Variants in FAM120A observed in about 807,000 individuals in gnomAD.
FAM120A encodes the protein constitutive coactivator of PPAR-gamma-like protein 1.
A neutral mutation model predicts 109.7 loss-of-function variants in FAM120A; 15 were observed. That is an observed-to-expected ratio of 0.14 (90% CI 0.09 to 0.21). FAM120A has a LOEUF of 0.21. Among genes scored for constraint, FAM120A ranks in the 10% least tolerant of loss-of-function variants. The pLI, the probability that FAM120A is intolerant of heterozygous loss-of-function variation, is 1.00. For synonymous variants in FAM120A, 493 were observed against 572.8 expected (o/e 0.86, Z 1.99); for missense variants, 899 against 1,439.3 (o/e 0.62, Z 6.07).
chr9:93,543,551 G>A, intron 11 of FAM120A, 80 bp downstream of exon 11: 5 of 1,507,582 alleles, frequency 3.3e-6, no homozygotes, highest in Non-Finnish European at 4.5e-6. Context: ...ATGAGTTCTA[G>A]AAAGGATGTA....
intron 2 of FAM120A, among the ~76,000 whole-genome samples, chr9:93,474,468 G>A (rs576502680): frequency 5.1e-4 from 78 of 152,256 alleles, no homozygotes; most frequent in African/African-American, 1.9e-3. Flanking sequence ...TTTGTTTTAG[G>A]AATGTTGGAA....
At chr9:93,539,061 A>G (rs1861614168) in intron 10 of FAM120A, among the ~76,000 whole-genome samples, 1 of 144,606 alleles carries the variant, frequency 6.9e-6, no homozygotes, top group Admixed American at 6.9e-5. Context: ...GGAGTGGCGC[A>G]ATCTCGGCTC....
chr9:93,500,061 C>T lies in FAM120A; in HGVS notation c.1030+1175C>T, dbSNP rs1313528408. ...TAACCTGGAGATGGGCATGGAGTGG[C>T]TGAATCTCCACTGCGAGGTCAGTAA... is the stretch of plus-strand genomic sequence containing the variant. On this transcript the variant is annotated intron_variant, in intron 5 of 17. Transcript: ENST00000277165. The surrounding 1 kb of genome is among the most constrained non-coding windows in gnomAD (Gnocchi z 4.6). 6.6e-6 allele frequency among the ~76,000 whole-genome samples: 1 copy of T among 152,246 alleles called. No individual in the cohort carries two copies. Among genetic ancestry groups the T allele is most frequent in the East Asian group, 1.9e-4 (1 of 5,192 alleles).
intron 7 of FAM120A, among the ~76,000 whole-genome samples, chr9:93,525,150 A>G (rs890634529): frequency 6.6e-6 from 1 of 152,112 alleles, no homozygotes; most frequent in Admixed American, 6.5e-5. Flanking sequence ...TAGATTTTAC[A>G]GTATGATTGT....
At chr9:93,467,438 C>T (rs1177391836) in intron 1 of FAM120A, among the ~76,000 whole-genome samples, 1 of 152,136 alleles carries the variant, frequency 6.6e-6, no homozygotes, top group Non-Finnish European at 1.5e-5. Context: ...ATGTAGAGAT[C>T]TGAGATTTTA....
Position 93,500,115 on chromosome 9 carries a change from T to C in FAM120A, c.1030+1229T>C, listed in dbSNP as rs1859736825. On this transcript the variant is annotated intron_variant, in intron 5 of 17. Coordinates refer to ENST00000277165, the MANE Select transcript of FAM120A (RefSeq NM_014612.5). The surrounding 1 kb of genome is among the most constrained non-coding windows in gnomAD (Gnocchi z 4.6). Reference sequence around the variant, plus strand: ...GCAGCAGCCTCCCAGTGGGGCTCTTTGCTGCTCTCTTGCTCCCCTGCAATC... The same window carrying C: ...GCAGCAGCCTCCCAGTGGGGCTCTTCGCTGCTCTCTTGCTCCCCTGCAATC... Among the ~76,000 whole-genome samples the C allele has an allele frequency of 6.6e-6, 1 of 152,262 alleles. No homozygotes were observed. Among genetic ancestry groups the C allele is most frequent in the South Asian group, 2.1e-4 (1 of 4,838 alleles).
chr9:93,451,748 G>A lies in FAM120A; in HGVS notation c.-168G>A. The A allele has an allele frequency of 2.0e-6, 2 of 984,164 alleles. No individual in the cohort carries two copies. The highest frequency in any genetic ancestry group is 1.1e-4 in the East Asian group (1 of 8,846). The allele number at this position is 984,164 out of a possible 1,614,324, so 61.0% of individuals were successfully genotyped here. ...TCCCTCCCCAGACATGGCCCTGGGA[G>A]GCGGCAGCACATGGCGGCCGCGGCG... On this transcript the variant is annotated 5_prime_UTR_variant, in exon 1 of 18. Coordinates refer to ENST00000277165, the MANE Select transcript of FAM120A (RefSeq NM_014612.5).
chr9:93,482,350 C>G (rs972324959), intron 3 of FAM120A, among the ~76,000 whole-genome samples: 2 of 151,896 alleles, frequency 1.3e-5, no homozygotes, highest in Non-Finnish European at 2.9e-5. Flanking sequence ...GTTGCCACAT[C>G]CAGCTAATTT....
At chr9:93,562,141 G>T (rs1365138142) in intron 16 of FAM120A, 67 bp from the exon 17 acceptor site, 2 of 1,254,868 alleles carry the variant, frequency 1.6e-6, no homozygotes, top group Non-Finnish European at 2.3e-6. Context: ...AAAATCATTT[G>T]ATACTATTTT....
rs569886877 is a variant in FAM120A at position 93,533,998 on chromosome 9, C to T, written c.1909+1669C>T. 3.9e-5 allele frequency among the ~76,000 whole-genome samples: 6 copies of T among 152,350 alleles called. 1 individual carries two copies. Among genetic ancestry groups the T allele is most frequent in the Middle Eastern group, 6.8e-3 (2 of 294 alleles). On this transcript the variant is annotated intron_variant, in intron 10 of 17. Coordinates refer to ENST00000277165, the MANE Select transcript of FAM120A (RefSeq NM_014612.5). ...CCGTGGAGTCAGATGTGACAGTCCC[C>T]TACCCCTCCAGTGTTGGGCCATTCG...
At chr9:93,547,625 A>T (rs536630344) in intron 11 of FAM120A, among the ~76,000 whole-genome samples, 1 of 152,228 alleles carries the variant, frequency 6.6e-6, no homozygotes. Context: ...ATAGCTGTCT[A>T]TATTAGCACA....
chr9:93,475,163 T>C (rs1405345754), intron 2 of FAM120A, among the ~76,000 whole-genome samples: 1 of 152,228 alleles, frequency 6.6e-6, no homozygotes. Flanking sequence ...GTCATTTATG[T>C]TTCATATATA....
intron 2 of FAM120A, among the ~76,000 whole-genome samples, chr9:93,474,000 T>G (rs1858432692): frequency 6.6e-6 from 1 of 152,228 alleles, no homozygotes; most frequent in Non-Finnish European, 1.5e-5. Flanking sequence ...TTATCTTGTT[T>G]AAGAAACATT....
chr9:93,563,286 C>T (rs1564363822), intron 17 of FAM120A, among the ~76,000 whole-genome samples: 1 of 152,198 alleles, frequency 6.6e-6, no homozygotes, highest in East Asian at 1.9e-4. Context: ...CTGGAAGGTT[C>T]CTGTTCTCGT....
intron 3 of FAM120A, among the ~76,000 whole-genome samples, chr9:93,480,961 G>T (rs939642505): frequency 6.6e-6 from 1 of 152,216 alleles, no homozygotes; most frequent in Non-Finnish European, 1.5e-5. Flanking sequence ...CAGGCAGCCT[G>T]GTACCCAGAG....
chr9:93,468,703 A>G (rs1351011173), intron 1 of FAM120A, among the ~76,000 whole-genome samples: 2 of 152,198 alleles, frequency 1.3e-5, no homozygotes, highest in Non-Finnish European at 2.9e-5. Context: ...AGTACAGCGT[A>G]GTGGCTGTGT....
chr9:93,541,735 C>A (rs564018636), intron 10 of FAM120A, among the ~76,000 whole-genome samples: 3 of 152,278 alleles, frequency 2.0e-5, no homozygotes, highest in Admixed American at 6.5e-5. Flanking sequence ...CAGCTCTGCC[C>A]GGCAGGCTTC....
At chr9:93,562,447 G>A in intron 17 of FAM120A, 143 bp downstream of exon 17, 1 of 624,144 alleles carries the variant, frequency 1.6e-6, no homozygotes, top group Non-Finnish European at 2.9e-6. Flanking sequence ...ACAGTAACTG[G>A]CACACAGCTG....
At chr9:93,527,264 G>A (rs201255629) in intron 8 of FAM120A, 22 bp downstream of exon 8, 2 of 1,584,384 alleles carry the variant, frequency 1.3e-6, no homozygotes. Flanking sequence ...ATGCCTTTTA[G>A]TTTTTGAGTT....
Sources: gnomAD v4.1 joint callset for allele counts (sites outside exome capture counted in the v4.1 genomes callset) on GRCh38, gnomAD v4.1.1 for gene constraint, Gnocchi (gnomAD v3.1) non-coding constraint, MANE v1.5 for transcripts, NCBI Gene and HGNC (gene_info 2026-07-23, HGNC 2026-07-21) for gene names.